Variants in ANKRD36B observed in about 807,000 individuals in gnomAD.
ANKRD36B encodes the protein ankyrin repeat domain 36B.
A neutral mutation model predicts 135.7 loss-of-function variants in ANKRD36B; 37 were observed. The observed-to-expected ratio is 0.27, with a 90% CI of 0.21 to 0.36. ANKRD36B has a LOEUF of 0.36. Ranked by LOEUF, ANKRD36B falls within the 10% of genes least tolerant of loss-of-function variation. The pLI, the probability that ANKRD36B is intolerant of heterozygous loss-of-function variation, is 1.00. For synonymous variants in ANKRD36B, 179 were observed against 348.1 expected, an observed-to-expected ratio of 0.51 and a Z score of 5.41; for missense variants, 549 against 1,037.1, an observed-to-expected ratio of 0.53 and a Z score of 6.46.
intron 14 of ANKRD36B, 103 bp from the exon 15 acceptor site, chr2:97,553,474 A>G (rs1007221809): frequency 7.4e-7 from 1 of 1,353,370 alleles, no homozygotes; most frequent in African/African-American, 1.5e-5. Flanking sequence ...TGCCTGTATT[A>G]GTGTAGGCTT....
At chr2:97,551,733 G>T (rs567290576) in intron 16 of ANKRD36B, among the ~76,000 whole-genome samples, 4 of 152,008 alleles carry the variant, frequency 2.6e-5, no homozygotes, top group African/African-American at 9.6e-5. Context: ...AAAATCAAAG[G>T]TTGTCAACAT....
intron 3 of ANKRD36B, among the ~76,000 whole-genome samples, chr2:97,584,548 T>C (rs1311584037): frequency 2.0e-5 from 3 of 151,896 alleles, no homozygotes; most frequent in African/African-American, 7.3e-5. Flanking sequence ...ATTGTGAAAT[T>C]CTTTAATTTT....
chr2:97,551,861 A>G (rs985754231), intron 16 of ANKRD36B, among the ~76,000 whole-genome samples: 1 of 151,968 alleles, frequency 6.6e-6, no homozygotes, highest in Non-Finnish European at 1.5e-5. Flanking sequence ...CTTTCATGCA[A>G]CAAATCAAAA....
In ANKRD36B at chr2:97,516,192, TAAAAA is replaced by T. The variant is rs1159226772; in HGVS notation, c.2408-252_2408-248del. Among the ~76,000 whole-genome samples, 25 of 33,520 alleles carry T rather than the reference TAAAAA, an allele frequency of 7.5e-4. 1 individual carries two copies. Among genetic ancestry groups the T allele is most frequent in the South Asian group, 1.5e-3 (3 of 1,962 alleles). 22.0% of individuals were successfully genotyped at this position (33,520 alleles called of 152,430 possible). A position where few individuals can be genotyped will look rare whatever the true frequency, so the allele number is the denominator to read the frequency against. On this transcript the variant is annotated intron_variant, in intron 36 of 43. Coordinates refer to ENST00000359901, the MANE Select transcript of ANKRD36B (RefSeq NM_001393939.1). ...CAGTTATAAACTCAGATAGGTCCTGTAAAAAAAAAAAAAAAAAAAAAACATAGTTA... is the reference window on the plus strand; with the variant it reads ...CAGTTATAAACTCAGATAGGTCCTGTAAAAAAAAAAAAAAAAACATAGTTA...
chr2:97,559,136 A>G, intron 8 of ANKRD36B, 142 bp from the exon 9 acceptor site: 2 of 1,079,238 alleles, frequency 1.9e-6, no homozygotes, highest in South Asian at 3.4e-5. Context: ...TTGTCTGGAG[A>G]CTGGAACATG....
intron 32 of ANKRD36B, 74 bp downstream of exon 32, chr2:97,538,094 C>A: frequency 2.4e-6 from 2 of 845,500 alleles, no homozygotes; most frequent in South Asian, 2.7e-5. Context: ...GAGCCCCCTG[C>A]TGATCTATTC....
In ANKRD36B at chr2:97,553,164, T is replaced by C. The variant is rs1233049866; in HGVS notation, c.1273+4A>G. 1 of 1,610,236 alleles carries C rather than the reference T, an allele frequency of 6.2e-7. No homozygotes were observed. Among genetic ancestry groups the C allele is most frequent in the Admixed American group, 1.7e-5 (1 of 59,570 alleles). The stretch of plus-strand genomic sequence containing the variant: ...ATGACATTGAATGTGTTTTGCAAAA[T>C]TACCTGTCCCAGATTTTTCTCCATC... On this transcript the variant is annotated splice_donor_region_variant and intron_variant, in intron 16 of 43. Coordinates refer to ENST00000359901, the MANE Select transcript of ANKRD36B (RefSeq NM_001393939.1).
At chr2:97,565,869 G>T (rs2081387038) in intron 6 of ANKRD36B, among the ~76,000 whole-genome samples, 1 of 151,154 alleles carries the variant, frequency 6.6e-6, no homozygotes, top group African/African-American at 2.4e-5. Context: ...CTCGGGGTGT[G>T]TGTGTGTGTG....
chr2:97,588,171 T>A (rs1038445506), intron 1 of ANKRD36B, among the ~76,000 whole-genome samples: 9 of 152,128 alleles, frequency 5.9e-5, no homozygotes, highest in African/African-American at 1.7e-4. Context: ...GCATTTAAAA[T>A]TTTTAATCTA....
intron 35 of ANKRD36B, among the ~76,000 whole-genome samples, chr2:97,527,724 T>A (rs1187196545): frequency 1.1e-5 from 1 of 93,664 alleles, no homozygotes. Context: ...ACCAAGCAAA[T>A]GGAAAACAAA....
At chr2:97,553,276 A>C (rs1314809413) in intron 15 of ANKRD36B, 36 bp from the exon 16 acceptor site, 4 of 1,597,952 alleles carry the variant, frequency 2.5e-6, no homozygotes. Flanking sequence ...TAAATAAATA[A>C]ATAAATGAAG....
rs2442235 is a variant in ANKRD36B, at chr2:97,540,137, A to C, written c.1915-31T>G. 9.6e-6 allele frequency: 9 copies of C among 941,234 alleles called. 2 individuals are homozygous for C. Among genetic ancestry groups the C allele is most frequent in the East Asian group, 5.3e-5 (2 of 37,504 alleles). 58.3% of individuals were successfully genotyped at this position (941,234 alleles called of 1,614,324 possible). A position where few individuals can be genotyped will look rare whatever the true frequency, so the allele number is the denominator to read the frequency against. ...TGGAATTTGAAACAAAATAATAAAT[A>C]AATAAAGTATGTTTCATAGACTATA... On this transcript the variant is annotated intron_variant, in intron 29 of 43. Transcript: ENST00000359901.
chr2:97,573,837 G>A (rs1210716550), intron 6 of ANKRD36B, among the ~76,000 whole-genome samples: 5 of 152,154 alleles, frequency 3.3e-5, no homozygotes, highest in African/African-American at 1.2e-4. Context: ...CTAGCCATAT[G>A]TAGAAAGCTG....
chr2:97,531,180 GA>G (rs1464367742), intron 35 of ANKRD36B, among the ~76,000 whole-genome samples: 1 of 90,482 alleles, frequency 1.1e-5, no homozygotes, highest in Non-Finnish European at 2.9e-5. Context: ...TGATAGCCTG[GA>G]TTAAGAAAAT....
intron 30 of ANKRD36B, 198 bp downstream of exon 30, chr2:97,539,836 T>C: frequency 3.5e-6 from 1 of 289,032 alleles, no homozygotes; most frequent in East Asian, 4.0e-5. Context: ...TGTGGGGAAG[T>C]CTATAATCTT....
chr2:97,552,125 C>T (rs1218981218), intron 16 of ANKRD36B, among the ~76,000 whole-genome samples: 1 of 151,884 alleles, frequency 6.6e-6, no homozygotes, highest in Non-Finnish European at 1.5e-5. Flanking sequence ...CTGAAAATTT[C>T]TTCATCCAGT....
At chr2:97,581,907 C>T (rs953546119) in intron 3 of ANKRD36B, among the ~76,000 whole-genome samples, 4 of 151,716 alleles carry the variant, frequency 2.6e-5, no homozygotes, top group South Asian at 2.1e-4. Flanking sequence ...GATTCAAGCA[C>T]GAGAAATTCT....
intron 3 of ANKRD36B, among the ~76,000 whole-genome samples, chr2:97,582,940 A>G (rs1328645551): frequency 1.3e-5 from 2 of 152,112 alleles, no homozygotes. Context: ...AATTATTAAA[A>G]TAATATTAAA....
chr2:97,568,015 A>G (rs1313704293), intron 6 of ANKRD36B, among the ~76,000 whole-genome samples: 2 of 152,218 alleles, frequency 1.3e-5, no homozygotes, highest in East Asian at 3.8e-4. Flanking sequence ...TGACTATAGT[A>G]CATGATATTT....
Sources: allele counts gnomAD v4.1 joint callset (sites outside exome capture counted in the v4.1 genomes callset), GRCh38; gene constraint gnomAD v4.1.1; transcripts MANE v1.5; gene names NCBI Gene and HGNC (gene_info 2026-07-23, HGNC 2026-07-21).